Variants in C3orf49 observed in about 807,000 individuals in gnomAD.
C3orf49 encodes the protein chromosome 3 open reading frame 49, also known as putative uncharacterized protein C3orf49.
A neutral mutation model predicts 13.3 loss-of-function variants in C3orf49; 27 were observed. The ratio of observed to expected loss-of-function variants is 2.02; its 90% CI spans 1.49 to 2.79. The LOEUF (loss-of-function observed/expected upper bound fraction) is 2.79. Ranked by LOEUF, C3orf49 falls within the 30% of genes most tolerant of loss-of-function variation. C3orf49 has a pLI of 0.00. For missense variants in C3orf49, 242 were observed against 134.2 expected, an observed-to-expected ratio of 1.80 and a Z score of -3.97; for synonymous variants, 87 against 47.6, an observed-to-expected ratio of 1.83 and a Z score of -3.40.
At chr3:63,811,278 G>C in the C3orf49 span, among the ~76,000 whole-genome samples, 2 of 149,082 alleles carry the variant, frequency 1.3e-5, no homozygotes, top group Non-Finnish European at 3.0e-5. Context: ...GCCAGGCACG[G>C]CCAGGCGAGG....
At chr3:63,781,461 T>G in the C3orf49 span, among the ~76,000 whole-genome samples, 2 of 152,190 alleles carry the variant, frequency 1.3e-5, no homozygotes, top group African/African-American at 4.8e-5. Context: ...TAGGATTGAC[T>G]TGGCAATGCG....
chr3:63,835,089 A>G (rs977040588), intron 5 of C3orf49: 1 of 1,493,784 alleles, frequency 6.7e-7, no homozygotes, highest in African/African-American at 1.4e-5. Context: ...ATATTTCAAA[A>G]GGTACATCCC....
At chr3:63,819,635 C>T (rs558531274) in intron 1 of C3orf49, 39 bp downstream of exon 1, 28 of 702,334 alleles carry the variant, frequency 4.0e-5, no homozygotes, top group Admixed American at 6.0e-5. Context: ...AAATGAGAGT[C>T]TTTGGGTTTG....
intron 6 of C3orf49, among the ~76,000 whole-genome samples, chr3:63,847,112 A>G (rs1165575223): frequency 1.8e-4 from 27 of 152,126 alleles, no homozygotes; most frequent in Admixed American, 1.7e-3. Context: ...CACTTGTGCA[A>G]ATAACCAGGA....
At chr3:63,800,961 C>T in the C3orf49 span, among the ~76,000 whole-genome samples, 1 of 152,262 alleles carries the variant, frequency 6.6e-6, no homozygotes, top group South Asian at 2.1e-4. Flanking sequence ...CCAGGACCTG[C>T]TCATCTGATA....
chr3:63,820,740 T>C (rs751374373), intron 1 of C3orf49, among the ~76,000 whole-genome samples: 2 of 152,212 alleles, frequency 1.3e-5, no homozygotes, highest in Non-Finnish European at 2.9e-5. Flanking sequence ...AAGTTATCTC[T>C]GGGTGAATTA....
the C3orf49 span, among the ~76,000 whole-genome samples, chr3:63,789,098 C>T: frequency 3.9e-5 from 6 of 152,154 alleles, no homozygotes; most frequent in African/African-American, 9.7e-5. Flanking sequence ...AGAAGATGGG[C>T]GGCGGGCGAG....
chr3:63,785,142 G>A, the C3orf49 span, among the ~76,000 whole-genome samples: 15 of 135,244 alleles, frequency 1.1e-4, no homozygotes, highest in Admixed American at 4.4e-4. Context: ...GCGTGATCTC[G>A]GCTCACTGCA....
intron 2 of C3orf49, among the ~76,000 whole-genome samples, chr3:63,825,024 A>C (rs1701448841): frequency 6.6e-6 from 1 of 152,108 alleles, no homozygotes; most frequent in Non-Finnish European, 1.5e-5. Context: ...TTGATATATT[A>C]CTATTATTAA....
chr3:63,802,765 A>G, the C3orf49 span, among the ~76,000 whole-genome samples: 13 of 152,110 alleles, frequency 8.5e-5, no homozygotes, highest in South Asian at 2.1e-4. Context: ...AGAAAGTCCA[A>G]TAAATTACCC....
chr3:63,835,002 A>G, intron 5 of C3orf49: 1 of 668,726 alleles, frequency 1.5e-6, no homozygotes, highest in South Asian at 2.6e-5. Flanking sequence ...TATTCAAGAA[A>G]GTTGAACATG....
the C3orf49 span, among the ~76,000 whole-genome samples, chr3:63,792,813 T>A: frequency 6.6e-6 from 1 of 152,198 alleles, no homozygotes; most frequent in Non-Finnish European, 1.5e-5. Context: ...TTCTACTAGG[T>A]GCAAAAGGTT....
intron 3 of C3orf49, 122 bp from the exon 4 acceptor site, chr3:63,830,988 G>T (rs1413250726): frequency 3.3e-6 from 2 of 612,628 alleles, no homozygotes; most frequent in South Asian, 2.0e-5. Flanking sequence ...ATCCAATATT[G>T]TTATGTGGCA....
upstream of C3orf49, among the ~76,000 whole-genome samples, chr3:63,815,827 C>T (rs1232790706): frequency 5.5e-5 from 8 of 144,438 alleles, no homozygotes; most frequent in Admixed American, 2.1e-4. Context: ...AGTGCAGTGG[C>T]CTGATCTCAG....
the C3orf49 span, among the ~76,000 whole-genome samples, chr3:63,785,065 C>CTTTTTTTTTTTTTTTTTT: frequency 6.2e-5 from 4 of 64,944 alleles, no homozygotes; most frequent in African/African-American, 2.7e-4. Flanking sequence ...TCTTCTTCTT[C>CTTTTTTTTTTTTTTTTTT]TTTTTTTTTT....
the C3orf49 span, among the ~76,000 whole-genome samples, chr3:63,807,053 G>A: frequency 4.0e-5 from 6 of 151,820 alleles, no homozygotes; most frequent in African/African-American, 9.7e-5. Context: ...CTGGGTTCAC[G>A]TCATTCTCCT....
At chr3:63,793,664 A>G in the C3orf49 span, among the ~76,000 whole-genome samples, 1 of 152,082 alleles carries the variant, frequency 6.6e-6, no homozygotes, top group East Asian at 1.9e-4. Context: ...ATTGCAAACT[A>G]TTCCTCTATA....
the C3orf49 span, among the ~76,000 whole-genome samples, chr3:63,808,104 C>T: frequency 5.3e-5 from 8 of 152,002 alleles, no homozygotes; most frequent in African/African-American, 1.9e-4. Context: ...GGACAAATGA[C>T]AACTTGGACA....
At chr3:63,817,774 C>G (rs1701341798), upstream of C3orf49, among the ~76,000 whole-genome samples, 1 of 152,102 alleles carries the variant, frequency 6.6e-6, no homozygotes, top group South Asian at 2.1e-4. Context: ...CTATTACATA[C>G]ACACATACAT....
Sources: gnomAD v4.1 joint callset for allele counts (sites outside exome capture counted in the v4.1 genomes callset) on GRCh38, gnomAD v4.1.1 for gene constraint, MANE v1.5 for transcripts, NCBI Gene and HGNC (gene_info 2026-07-23, HGNC 2026-07-21) for gene names.